The following EVC variants were observed in gnomAD, a reference collection of about 807,000 sequenced individuals.
EVC encodes evC complex member EVC.
A neutral mutation model predicts 118.9 loss-of-function variants in EVC; 116 were observed. That is an observed-to-expected ratio of 0.98 (90% CI 0.84 to 1.14). EVC has a LOEUF of 1.14. Among genes scored for constraint, EVC ranks in the 50% most tolerant of loss-of-function variants. EVC has a pLI of 0.00. For synonymous variants in EVC, 619 were observed against 534.7 expected, an observed-to-expected ratio of 1.16 and a Z score of -2.18; for missense variants, 1,401 against 1,246.4, an observed-to-expected ratio of 1.12 and a Z score of -1.87.
chr4:5,805,791 AGG>A (rs576637435), intron 17 of EVC, among the ~76,000 whole-genome samples: 2 of 151,994 alleles, frequency 1.3e-5, no homozygotes, highest in Non-Finnish European at 2.9e-5. Flanking sequence ...GTGTTGGGAA[AGG>A]GGGTGCATGA....
Position 5,789,399 on chromosome 4 carries a change from C to G in EVC, c.1777-4209C>G, listed in dbSNP as rs1712335600. On this transcript the variant is annotated intron_variant, in intron 12 of 20. Coordinates refer to ENST00000264956, the MANE Select transcript of EVC (RefSeq NM_153717.3). The surrounding 1 kb of genome is among the most constrained non-coding windows in gnomAD (Gnocchi z 4.3). ...TGCTCCTGGTCTTTGCTCCATGTCA[C>G]CTTCACAGCAAGGCCTACTCTGACC... Among the ~76,000 whole-genome samples the G allele has an allele frequency of 6.6e-6, 1 of 152,162 alleles. No individual in the cohort carries two copies. The highest frequency in any genetic ancestry group is 6.5e-5 in the Admixed American group (1 of 15,274).
chr4:5,825,473 T>C, the EVC span: 1 of 1,549,304 alleles, frequency 6.5e-7, no homozygotes, highest in Non-Finnish European at 8.7e-7. This position sits in a 1 kb window ranked among gnomAD's most constrained non-coding sequence, Gnocchi z 4.4. Flanking sequence ...GTGGGGAGCC[T>C]GGGCCACCAC....
At position 5,737,707 on chromosome 4, in the gene EVC, A is replaced by G. The variant is rs571782760; in HGVS notation, c.703-4009A>G. On this transcript the variant is annotated intron_variant, in intron 5 of 20. Coordinates refer to ENST00000264956, the MANE Select transcript of EVC (RefSeq NM_153717.3). This position sits in a 1 kb window ranked among gnomAD's most constrained non-coding sequence, Gnocchi z 5.0. ...GTTTATAGCATAGTTTAAGCCCACTATTGACACCTACTGCCCAGAAAATAA... is the reference window on the plus strand; with the variant it reads ...GTTTATAGCATAGTTTAAGCCCACTGTTGACACCTACTGCCCAGAAAATAA... Among the ~76,000 whole-genome samples the G allele has an allele frequency of 1.3e-5, 2 of 152,196 alleles. No individual in the cohort carries two copies. The highest frequency in any genetic ancestry group is 4.8e-5 in the African/African-American group (2 of 41,440).
chr4:5,777,834 T>TG (rs1734934626), intron 11 of EVC, among the ~76,000 whole-genome samples: 1 of 97,346 alleles, frequency 1.0e-5, no homozygotes, highest in African/African-American at 5.9e-5. Context: ...TGAATGAAAT[T>TG]TTTTGTTGTT....
intron 13 of EVC, among the ~76,000 whole-genome samples, chr4:5,794,730 T>G (rs1008437993): frequency 6.6e-6 from 1 of 152,134 alleles, no homozygotes; most frequent in Non-Finnish European, 1.5e-5. Context: ...ATTTTTGATA[T>G]AGCTATTTTT....
intron 11 of EVC, chr4:5,758,020 G>A: frequency 1.4e-6 from 1 of 699,508 alleles, no homozygotes; most frequent in Non-Finnish European, 2.6e-6. Context: ...AGATCGCACA[G>A]TTGGTTAGGT....
intron 2 of EVC, among the ~76,000 whole-genome samples, chr4:5,721,111 C>G (rs1327506834): frequency 1.3e-5 from 2 of 152,126 alleles, no homozygotes; most frequent in Admixed American, 1.3e-4. Context: ...CTCTGTGTCT[C>G]TCTTCCCCTC....
Position 5,754,455 on chromosome 4 carries a change from G to C in EVC, c.1464+522G>C, listed in dbSNP as rs566975774. On this transcript the variant is annotated intron_variant, in intron 10 of 20. Coordinates refer to ENST00000264956, the MANE Select transcript of EVC (RefSeq NM_153717.3). This position sits in a 1 kb window ranked among gnomAD's most constrained non-coding sequence, Gnocchi z 5.8. ...GCCTGAGAAGGGGACAAGAAGACCT[G>C]AAGGAGGACAAAAAGCAAGATGTCA... Among the ~76,000 whole-genome samples the C allele has an allele frequency of 8.5e-5, 13 of 152,274 alleles. No homozygotes were observed. The South Asian group carries it at 2.7e-3, about 32-fold the overall frequency.
chr4:5,739,208 T>G (rs1363533168), intron 5 of EVC, among the ~76,000 whole-genome samples: 1 of 152,186 alleles, frequency 6.6e-6, no homozygotes, highest in Non-Finnish European at 1.5e-5. Context: ...CATTACTGAT[T>G]TATTTGGGGT....
At chr4:5,722,072 C>T (rs1725045803) in intron 2 of EVC, among the ~76,000 whole-genome samples, 1 of 152,074 alleles carries the variant, frequency 6.6e-6, no homozygotes, top group African/African-American at 2.4e-5. Flanking sequence ...GAACCCAGTC[C>T]CAGCTCTGCC....
intron 2 of EVC, among the ~76,000 whole-genome samples, chr4:5,728,833 T>C (rs1351698907): frequency 6.6e-5 from 10 of 152,234 alleles, no homozygotes; most frequent in African/African-American, 2.2e-4. Context: ...TGTTAATTAG[T>C]CTTAAGTTAT....
downstream of EVC, among the ~76,000 whole-genome samples, chr4:5,818,315 G>C (rs1718002030): frequency 6.6e-6 from 1 of 152,158 alleles, no homozygotes; most frequent in Non-Finnish European, 1.5e-5. Flanking sequence ...GTCTTTATCA[G>C]CAGAGTGAGA....
intron 9 of EVC, 127 bp downstream of exon 9, chr4:5,753,179 T>G: frequency 1.1e-6 from 1 of 928,606 alleles, no homozygotes; most frequent in Non-Finnish European, 1.7e-6. Flanking sequence ...GCCTTTCTGC[T>G]TCTGCCCTAG....
intron 14 of EVC, among the ~76,000 whole-genome samples, chr4:5,797,693 C>G (rs1057321095): frequency 6.6e-6 from 1 of 152,194 alleles, no homozygotes; most frequent in African/African-American, 2.4e-5. Flanking sequence ...CTTCAACATA[C>G]AAATTTTGAG....
intron 12 of EVC, among the ~76,000 whole-genome samples, chr4:5,791,912 T>C (rs1712858311): frequency 6.6e-6 from 1 of 152,172 alleles, no homozygotes; most frequent in South Asian, 2.1e-4. Flanking sequence ...CCTGGGCCTT[T>C]CTAACCCCTC....
chr4:5,790,783 T>C (rs913775185), intron 12 of EVC, among the ~76,000 whole-genome samples: 1 of 152,276 alleles, frequency 6.6e-6, no homozygotes, highest in South Asian at 2.1e-4. Context: ...TGAAAAAATA[T>C]ACTTTATGAA....
rs1258624511 is a variant in EVC at position 5,811,012 on chromosome 4, T to C, written c.2954T>C (p.Met985Thr). 6.2e-7 allele frequency: 1 copy of C among 1,612,856 alleles called. No individual in the cohort carries two copies. Reference sequence around the variant, plus strand: ...GGGGACAGTGGGAACTCAAAGAAGATGCTAAAGAGAAGAAGCAACTTGTAG... The same window carrying C: ...GGGGACAGTGGGAACTCAAAGAAGACGCTAAAGAGAAGAAGCAACTTGTAG... Reference protein sequence around the residue: ...EAGDSGNSKKMLKRRSNL With the variant: ...EAGDSGNSKKTLKRRSNL The change falls in exon 21 of 21, where the codon ATG (methionine) becomes ACG (threonine). Residue 985 changes from methionine to threonine, a missense_variant. Met to Thr is a moderately conservative substitution (Grantham distance 81, BLOSUM62 -1). Coordinates refer to ENST00000264956, the MANE Select transcript of EVC (RefSeq NM_153717.3).
rs1730555396 is a variant in EVC, at chr4:5,752,617, C to G, written c.1099-219C>G. 5.6e-5 allele frequency: 35 copies of G among 621,704 alleles called. No homozygotes were observed. In the South Asian group the frequency reaches 6.6e-4, roughly 12 times the overall value. The allele number at this position is 621,704 out of a possible 1,614,324, so 38.5% of individuals were successfully genotyped here. On this transcript the variant is annotated intron_variant, in intron 8 of 20. Coordinates refer to ENST00000264956, the MANE Select transcript of EVC (RefSeq NM_153717.3). ...TAAGTGCCTACATGCTAAGCTGCGT[C>G]AGCCTCCCCGCACCCTAGGAGAGAC...
chr4:5,808,745 C>T (rs1716418919), intron 18 of EVC, among the ~76,000 whole-genome samples: 1 of 152,186 alleles, frequency 6.6e-6, no homozygotes, highest in South Asian at 2.1e-4. Flanking sequence ...AAGCTCAGCT[C>T]TCATGATATA....
Sources: gnomAD v4.1 joint callset for allele counts (sites outside exome capture counted in the v4.1 genomes callset) on GRCh38, gnomAD v4.1.1 for gene constraint, Gnocchi (gnomAD v3.1) non-coding constraint, MANE v1.5 for transcripts, NCBI Gene and HGNC (gene_info 2026-07-23, HGNC 2026-07-21) for gene names.